Variants in OVOL2 observed in about 807,000 individuals in gnomAD.
The protein encoded by OVOL2 is ovo like zinc finger 2.
Under a neutral mutation model 18.1 loss-of-function variants are expected in OVOL2, and 13 were observed. That is an observed-to-expected ratio of 0.72 (90% CI 0.47 to 1.14). The LOEUF (loss-of-function observed/expected upper bound fraction) is 1.14. Ranked by LOEUF, OVOL2 falls within the 50% of genes most tolerant of loss-of-function variation. OVOL2 has a pLI of 0.00. For missense variants in OVOL2, 335 were observed against 383.0 expected (o/e 0.87, Z 1.05); for synonymous variants, 166 against 162.7 (o/e 1.02, Z -0.16).
Position 18,057,062 on chromosome 20 carries a change from C to T in OVOL2, c.101-185G>A, listed in dbSNP as rs929427901. On this transcript the variant is annotated intron_variant, in intron 1 of 3. Transcript: ENST00000278780. This position sits in a 1 kb window ranked among gnomAD's most constrained non-coding sequence, Gnocchi z 6.3. Reference sequence around the variant, plus strand: ...GCCCACAGAGCTAGCTTGGGGTGCTCGGAGCCTCTTTCCGGTCCCAGCCAA... The same window carrying T: ...GCCCACAGAGCTAGCTTGGGGTGCTTGGAGCCTCTTTCCGGTCCCAGCCAA... Among the ~76,000 whole-genome samples the T allele has an allele frequency of 2.0e-5, 3 of 152,162 alleles. No individual in the cohort carries two copies. Among genetic ancestry groups the T allele is most frequent in the Middle Eastern group, 6.3e-3 (2 of 316 alleles).
chr20:18,033,244 T>C (rs1286409969), intron 3 of OVOL2, among the ~76,000 whole-genome samples: 1 of 152,214 alleles, frequency 6.6e-6, no homozygotes, highest in Non-Finnish European at 1.5e-5. Flanking sequence ...CGATGGAAGA[T>C]AAGGACAGAA....
chr20:18,057,774 C>G lies in OVOL2; in HGVS notation c.-140G>C. The G allele has an allele frequency of 2.8e-6, 4 of 1,405,282 alleles. No homozygotes were observed. Among genetic ancestry groups the G allele is most frequent in the Non-Finnish European group, 3.7e-6 (4 of 1,087,846 alleles). The allele number at this position is 1,405,282 out of a possible 1,614,324, so 87.1% of individuals were successfully genotyped here. ...CCTGCCCTCTTCCTCCACCCCCCGCCGCGGCGCGGCCCAGGCCTCTCCCCC... is the reference window on the plus strand; with the variant it reads ...CCTGCCCTCTTCCTCCACCCCCCGCGGCGGCGCGGCCCAGGCCTCTCCCCC... On this transcript the variant is annotated 5_prime_UTR_variant, in exon 1 of 4. Coordinates refer to ENST00000278780, the MANE Select transcript of OVOL2 (RefSeq NM_021220.4). The surrounding 1 kb of genome is among the most constrained non-coding windows in gnomAD (Gnocchi z 6.3).
chr20:18,032,444 T>C (rs2036580470), intron 3 of OVOL2, among the ~76,000 whole-genome samples: 1 of 152,000 alleles, frequency 6.6e-6, no homozygotes, highest in South Asian at 2.1e-4. Context: ...ATGTCATCAA[T>C]TGAGGAATAG....
chr20:18,041,198 A>G (rs1312072843), intron 3 of OVOL2, among the ~76,000 whole-genome samples: 1 of 151,750 alleles, frequency 6.6e-6, no homozygotes, highest in Non-Finnish European at 1.5e-5. Flanking sequence ...GAGTCTTGCA[A>G]TGTCACCCAG....
chr20:18,041,840 A>G lies in OVOL2; in HGVS notation c.322-117T>C, dbSNP rs548750528. 141 of 887,470 alleles carry G rather than the reference A, an allele frequency of 1.6e-4. 1 individual carries two copies. The East Asian group carries it at 3.9e-3, about 25-fold the overall frequency. The allele number at this position is 887,470 out of a possible 1,614,324, so 55.0% of individuals were successfully genotyped here. ...TGCCCTGTCTGCGGCTTCTGCCCCT[A>G]AAATTTTCAAGCAGGTTTTGGCTTT... On this transcript the variant is annotated intron_variant, in intron 2 of 3. Coordinates refer to ENST00000278780, the MANE Select transcript of OVOL2 (RefSeq NM_021220.4).
Position 18,051,521 on chromosome 20 carries a change from T to G in OVOL2, c.321+5136A>C, listed in dbSNP as rs139422710. 2.6e-5 allele frequency among the ~76,000 whole-genome samples: 4 copies of G among 152,194 alleles called. No individual in the cohort carries two copies. The East Asian group carries it at 7.7e-4, about 29-fold the overall frequency. On this transcript the variant is annotated intron_variant, in intron 2 of 3. Transcript: ENST00000278780. ...GCTGCTAACATCAGAAAAAGAGAGA[T>G]AACCAAATATTCAGTGCCTCTGATG...
At position 18,024,455 on chromosome 20, in the gene OVOL2, G is replaced by A; in HGVS notation, c.*181C>T. On this transcript the variant is annotated 3_prime_UTR_variant, in exon 4 of 4. Coordinates refer to ENST00000278780, the MANE Select transcript of OVOL2 (RefSeq NM_021220.4). Reference sequence around the variant, plus strand: ...AGACAGGACACAGGTTACAGGGCCTGACGTCACTAACGGCAACTGACAATC... The same window carrying A: ...AGACAGGACACAGGTTACAGGGCCTAACGTCACTAACGGCAACTGACAATC... 7.5e-7 allele frequency: 1 copy of A among 1,324,780 alleles called. No homozygotes were observed. The allele number at this position is 1,324,780 out of a possible 1,614,324, so 82.1% of individuals were successfully genotyped here.
Position 18,054,899 on chromosome 20 carries a change from T to G in OVOL2, c.321+1758A>C, listed in dbSNP as rs532936858. ...GCTAAGTCACAGGCAATTTGGTCAG[T>G]CATTTGAAAACTGCCAATGCCATGG... On this transcript the variant is annotated intron_variant, in intron 2 of 3. Coordinates refer to ENST00000278780, the MANE Select transcript of OVOL2 (RefSeq NM_021220.4). 4.1e-4 allele frequency among the ~76,000 whole-genome samples: 62 copies of G among 152,122 alleles called. 1 individual carries two copies. Among genetic ancestry groups the G allele is most frequent in the Non-Finnish European group, 8.4e-4 (57 of 68,024 alleles).
intron 3 of OVOL2, among the ~76,000 whole-genome samples, chr20:18,029,342 T>C (rs1426225773): frequency 6.6e-6 from 1 of 152,190 alleles, no homozygotes; most frequent in Non-Finnish European, 1.5e-5. Context: ...ATATGTATTT[T>C]AAGATTAATA....
intron 2 of OVOL2, among the ~76,000 whole-genome samples, chr20:18,053,947 A>G (rs1470382377): frequency 6.6e-6 from 1 of 152,050 alleles, no homozygotes; most frequent in Admixed American, 6.6e-5. Flanking sequence ...CTCAGCCCAC[A>G]CTGCCCTCAG....
intron 3 of OVOL2, among the ~76,000 whole-genome samples, chr20:18,033,015 C>T (rs961151316): frequency 2.6e-5 from 4 of 152,134 alleles, no homozygotes; most frequent in Admixed American, 2.6e-4. Flanking sequence ...GGTTTGTTAA[C>T]TGGACCAGGC....
chr20:18,057,669 TC>T lies in OVOL2; in HGVS notation c.-36del. ...CCCTCTCCCGACTGCGGCCCCCTCCTCCCGGCTGCTCCCCGCTAGGGGCAAC... is the reference window on the plus strand; with the variant it reads ...CCCTCTCCCGACTGCGGCCCCCTCCTCCGGCTGCTCCCCGCTAGGGGCAAC... On this transcript the variant is annotated 5_prime_UTR_variant, in exon 1 of 4. Transcript: ENST00000278780. The surrounding 1 kb of genome is among the most constrained non-coding windows in gnomAD (Gnocchi z 6.3). The T allele has an allele frequency of 6.5e-7, 1 of 1,534,338 alleles. No homozygotes were observed. The highest frequency in any genetic ancestry group is 8.8e-7 in the Non-Finnish European group (1 of 1,139,234).
In OVOL2 at chr20:18,024,504, G is replaced by A; in HGVS notation, c.*132C>T. Reference sequence around the variant, plus strand: ...TCTTGGAATGGACCCTACTGCTGATGTTTCAAAAGGACACAGAGGTGAACT... The same window carrying A: ...TCTTGGAATGGACCCTACTGCTGATATTTCAAAAGGACACAGAGGTGAACT... On this transcript the variant is annotated 3_prime_UTR_variant, in exon 4 of 4. Transcript: ENST00000278780. 1.4e-6 allele frequency: 2 copies of A among 1,437,722 alleles called. No homozygotes were observed. Among genetic ancestry groups the A allele is most frequent in the Non-Finnish European group, 1.8e-6 (2 of 1,094,002 alleles). 89.1% of individuals were successfully genotyped at this position (1,437,722 alleles called of 1,614,324 possible).
chr20:18,029,359 T>C (rs2036547260), intron 3 of OVOL2, among the ~76,000 whole-genome samples: 1 of 152,316 alleles, frequency 6.6e-6, no homozygotes, highest in South Asian at 2.1e-4. Context: ...AATAAATATA[T>C]GTCATCTCTG....
At chr20:18,025,089 A>G in intron 3 of OVOL2, 137 bp from the exon 4 acceptor site, 3 of 1,012,888 alleles carry the variant, frequency 3.0e-6, no homozygotes, top group East Asian at 2.5e-5. Flanking sequence ...CAGGAGAGAA[A>G]ACTGTCTACA....
chr20:18,037,085 G>A (rs1292374443), intron 3 of OVOL2, among the ~76,000 whole-genome samples: 2 of 146,988 alleles, frequency 1.4e-5, no homozygotes, highest in South Asian at 2.1e-4. Context: ...GCAGTGAGCC[G>A]AGATCGCGCC....
At chr20:18,034,815 A>G (rs2036601296) in intron 3 of OVOL2, among the ~76,000 whole-genome samples, 1 of 152,066 alleles carries the variant, frequency 6.6e-6, no homozygotes, top group South Asian at 2.1e-4. Context: ...TTGTGTTTTG[A>G]GTCTTTCCTT....
Position 18,057,819 on chromosome 20 carries a change from G to C in OVOL2, c.-185C>G. ...TCCCCCGCACGCCTGGCGACTCCCAGCCTCCCGGCTCGGCGACACCTATGC... is the reference window on the plus strand; with the variant it reads ...TCCCCCGCACGCCTGGCGACTCCCACCCTCCCGGCTCGGCGACACCTATGC... On this transcript the variant is annotated 5_prime_UTR_variant, in exon 1 of 4. Coordinates refer to ENST00000278780, the MANE Select transcript of OVOL2 (RefSeq NM_021220.4). The surrounding 1 kb of genome is among the most constrained non-coding windows in gnomAD (Gnocchi z 6.3). The C allele has an allele frequency of 7.3e-7, 1 of 1,365,372 alleles. No individual in the cohort carries two copies. The highest frequency in any genetic ancestry group is 1.5e-5 in the African/African-American group (1 of 64,944). 84.6% of individuals were successfully genotyped at this position (1,365,372 alleles called of 1,614,324 possible).
At chr20:18,031,999 C>T (rs1040739168) in intron 3 of OVOL2, among the ~76,000 whole-genome samples, 3 of 152,158 alleles carry the variant, frequency 2.0e-5, no homozygotes, top group Admixed American at 6.6e-5. Flanking sequence ...AAGATTTTTA[C>T]AGGCATGCTT....
Sources: allele counts gnomAD v4.1 joint callset (sites outside exome capture counted in the v4.1 genomes callset), GRCh38; gene constraint gnomAD v4.1.1; non-coding constraint Gnocchi (gnomAD v3.1); transcripts MANE v1.5; gene names NCBI Gene and HGNC (gene_info 2026-07-23, HGNC 2026-07-21).